Variants in ACOX3 observed in about 807,000 individuals in gnomAD.
ACOX3 encodes acyl-CoA oxidase 3, pristanoyl, also known as peroxisomal acyl-coenzyme A oxidase 3.
Under a neutral mutation model 81.5 loss-of-function variants are expected in ACOX3, and 73 were observed. The ratio of observed to expected loss-of-function variants is 0.90; its 90% CI spans 0.74 to 1.09. The LOEUF (loss-of-function observed/expected upper bound fraction) is 1.09. ACOX3 is among the 50% of genes least tolerant of loss of function. The probability of loss-of-function intolerance (pLI) is 0.00; values close to 1 mark genes in which losing one functional copy is unlikely to be tolerated. For missense variants in ACOX3, 947 were observed against 928.0 expected (o/e 1.02, Z -0.27); for synonymous variants, 387 against 375.1 (o/e 1.03, Z -0.37).
At chr4:8,435,699 A>C in intron 1 of ACOX3, among the ~76,000 whole-genome samples, 1 of 152,238 alleles carries the variant, frequency 6.6e-6, no homozygotes, top group Non-Finnish European at 1.5e-5. Context: ...AGCCCTGTTT[A>C]ACAGCTTATT....
chr4:8,414,648 A>G lies in ACOX3; in HGVS notation c.453+206T>C, dbSNP rs1722129222. On this transcript the variant is annotated intron_variant, in intron 4 of 17. Transcript: ENST00000356406. This position sits in a 1 kb window ranked among gnomAD's most constrained non-coding sequence, Gnocchi z 6.1. ...GAAAAGACAGTGGAAGGCCTCAGTG[A>G]CAATTCACCTGGTGCTAGGAAGTCA... 6.6e-6 allele frequency among the ~76,000 whole-genome samples: 1 copy of G among 152,252 alleles called. No homozygotes were observed. The highest frequency in any genetic ancestry group is 2.4e-5 in the African/African-American group (1 of 41,460).
In ACOX3 at chr4:8,382,592, C is replaced by T. The variant is rs533494566; in HGVS notation, c.1538-985G>A. ...GGCAGCCGGTCTTGCTCAGAGATCC[C>T]AGGCAGGAGAATGGGGATCAGCCAC... On this transcript the variant is annotated intron_variant, in intron 13 of 17. Coordinates refer to ENST00000356406, the MANE Select transcript of ACOX3 (RefSeq NM_003501.3). The surrounding 1 kb of genome is among the most constrained non-coding windows in gnomAD (Gnocchi z 4.1). Among the ~76,000 whole-genome samples, 1 of 152,336 alleles carries T rather than the reference C, an allele frequency of 6.6e-6. No homozygotes were observed. Among genetic ancestry groups the T allele is most frequent in the East Asian group, 1.9e-4 (1 of 5,172 alleles).
At chr4:8,396,679 GA>G (rs531424752) in intron 9 of ACOX3, among the ~76,000 whole-genome samples, 7,598 of 100,712 alleles carry the variant, frequency 0.075, 188 homozygotes, top group Non-Finnish European at 0.087. Context: ...CTCCGTCTGG[GA>G]AAAAAAAAAA....
At chr4:8,439,561 T>A (rs1421121722) in intron 1 of ACOX3, among the ~76,000 whole-genome samples, 1 of 152,206 alleles carries the variant, frequency 6.6e-6, no homozygotes, top group Non-Finnish European at 1.5e-5. Context: ...CTCCTATTAT[T>A]AAGAAATACT....
At chr4:8,397,847 T>A (rs1719896359) in intron 8 of ACOX3, among the ~76,000 whole-genome samples, 1 of 152,240 alleles carries the variant, frequency 6.6e-6, no homozygotes, top group African/African-American at 2.4e-5. Context: ...CACATAGGAA[T>A]CACAGTCTCG....
the ACOX3 span, among the ~76,000 whole-genome samples, chr4:8,360,843 T>C: frequency 1.3e-5 from 2 of 152,108 alleles, no homozygotes; most frequent in East Asian, 3.9e-4. Context: ...ACATGTGGAG[T>C]TAGCCACGCC....
At position 8,384,423 on chromosome 4, in the gene ACOX3, C is replaced by T. The variant is rs999613977; in HGVS notation, c.1538-2816G>A. On this transcript the variant is annotated intron_variant, in intron 13 of 17. Coordinates refer to ENST00000356406, the MANE Select transcript of ACOX3 (RefSeq NM_003501.3). This position sits in a 1 kb window ranked among gnomAD's most constrained non-coding sequence, Gnocchi z 5.3. Reference sequence around the variant, plus strand: ...CGCTGAAACAAACTAGGCAGGAAAACGGGCACTGACGGGCAGTGAATTCTC... The same window carrying T: ...CGCTGAAACAAACTAGGCAGGAAAATGGGCACTGACGGGCAGTGAATTCTC... Among the ~76,000 whole-genome samples, 7 of 152,144 alleles carry T rather than the reference C, an allele frequency of 4.6e-5. No individual in the cohort carries two copies. Among genetic ancestry groups the T allele is most frequent in the Admixed American group, 6.5e-5 (1 of 15,268 alleles).
Position 8,416,877 on chromosome 4 carries a change from C to T in ACOX3, c.-14-342G>A, listed in dbSNP as rs1722403356. On this transcript the variant is annotated intron_variant, in intron 1 of 17. Transcript: ENST00000356406. This position sits in a 1 kb window ranked among gnomAD's most constrained non-coding sequence, Gnocchi z 4.2. ...AGTACCCTGCCCTCTTGGGAGCACCCCGGACATCCAGACTCATCCCCAAGG... is the reference window on the plus strand; with the variant it reads ...AGTACCCTGCCCTCTTGGGAGCACCTCGGACATCCAGACTCATCCCCAAGG... 6.6e-6 allele frequency among the ~76,000 whole-genome samples: 1 copy of T among 152,208 alleles called. No homozygotes were observed. The highest frequency in any genetic ancestry group is 6.5e-5 in the Admixed American group (1 of 15,282).
At chr4:8,401,281 C>T (rs1242056477) in intron 7 of ACOX3, among the ~76,000 whole-genome samples, 1 of 152,118 alleles carries the variant, frequency 6.6e-6, no homozygotes, top group Non-Finnish European at 1.5e-5. Flanking sequence ...GTTGGGGACC[C>T]CTGCCTACAG....
At chr4:8,379,994 G>C (rs991418506) in intron 14 of ACOX3, among the ~76,000 whole-genome samples, 7 of 152,150 alleles carry the variant, frequency 4.6e-5, no homozygotes, top group African/African-American at 1.7e-4. Context: ...GGAGGGAGCA[G>C]TGGAAGCTGA....
chr4:8,355,357 G>C, the ACOX3 span: 1 of 152,218 alleles, frequency 6.6e-6, no homozygotes, highest in Non-Finnish European at 1.5e-5. Context: ...GATATTAAAA[G>C]TATGAGAACC....
Position 8,415,842 on chromosome 4 carries a change from A to G in ACOX3, c.302T>C (p.Leu101Pro), listed in dbSNP as rs1384712794. The change falls in exon 3 of 18, where the codon CTG becomes CCG. Residue 101 changes from leucine to proline, a missense_variant. Leu to Pro is a moderately conservative substitution (Grantham distance 98). Transcript: ENST00000356406. ...GCACTGAATCAAGGCGGGGACCTTC[A>G]GAGGGCTCTTGAACATGTCTTCGAC... Reference protein sequence around the residue: ...LSVEDMFKSPLKVPALIQCLG... With the variant: ...LSVEDMFKSPPKVPALIQCLG... The G allele has an allele frequency of 3.7e-6, 6 of 1,614,096 alleles. No homozygotes were observed. Among genetic ancestry groups the G allele is most frequent in the Non-Finnish European group, 5.1e-6 (6 of 1,180,048 alleles).
In ACOX3 at chr4:8,406,713, C is replaced by T. The variant is rs996594158; in HGVS notation, c.688-670G>A. Among the ~76,000 whole-genome samples the T allele has an allele frequency of 2.0e-5, 3 of 150,754 alleles. No homozygotes were observed. The highest frequency in any genetic ancestry group is 7.3e-5 in the African/African-American group (3 of 40,892). On this transcript the variant is annotated intron_variant, in intron 6 of 17. Transcript: ENST00000356406. The surrounding 1 kb of genome is among the most constrained non-coding windows in gnomAD (Gnocchi z 5.6). ...CTGAGGCAGAGAGAGAGAGAGGAGA[C>T]AGAGAGAAAGACAGCTTACGCCATT...
rs151196972 is a variant in ACOX3, at chr4:8,392,397, C to A, written c.1236G>T (p.Ser412=). The A allele has an allele frequency of 6.2e-7, 1 of 1,609,188 alleles. No homozygotes were observed. Among genetic ancestry groups the A allele is most frequent in the Non-Finnish European group, 8.5e-7 (1 of 1,178,426 alleles). The change falls in exon 11 of 18, where the codon TCG becomes TCT. Residue 412 remains serine (S), a synonymous_variant. Transcript: ENST00000356406. ...CCTGAATTCCTTGCTGGGTGGTCCA[C>A]GAGGCCAGGGGCTTGCTGGCCGATG... The part of the protein sequence containing the change: ...ALASASKPLA[S]WTTQQGIQEC...
intron 1 of ACOX3, among the ~76,000 whole-genome samples, chr4:8,426,442 T>G (rs925096660): frequency 2.0e-5 from 3 of 152,076 alleles, no homozygotes; most frequent in Non-Finnish European, 4.4e-5. Flanking sequence ...CTAGAGGATC[T>G]GCACCTGCTC....
At chr4:8,438,851 A>G (rs1361751591) in intron 1 of ACOX3, 1 of 152,256 alleles carries the variant, frequency 6.6e-6, no homozygotes, top group Non-Finnish European at 1.5e-5. Flanking sequence ...AGCAGGACAC[A>G]GATCTTCCTA....
At chr4:8,397,286 G>A (rs1454792281) in intron 8 of ACOX3, among the ~76,000 whole-genome samples, 167 bp from the exon 9 acceptor site, 6 of 152,214 alleles carry the variant, frequency 3.9e-5, no homozygotes, top group African/African-American at 7.2e-5. Context: ...TGCGGCAGGC[G>A]GGTAGAGATG....
In ACOX3 at chr4:8,414,753, G is replaced by A; in HGVS notation, c.453+101C>T. ...ACACTAGGAAACAAGAAGAGCATAA[G>A]CCCCCTGGGCACCCCCTTCTACAAT... On this transcript the variant is annotated intron_variant, in intron 4 of 17. Transcript: ENST00000356406. The surrounding 1 kb of genome is among the most constrained non-coding windows in gnomAD (Gnocchi z 6.1). 7 of 1,182,130 alleles carry A rather than the reference G, an allele frequency of 5.9e-6. No individual in the cohort carries two copies. Among genetic ancestry groups the A allele is most frequent in the African/African-American group, 3.0e-5 (2 of 65,698 alleles). The allele number at this position is 1,182,130 out of a possible 1,614,324, so 73.2% of individuals were successfully genotyped here. A position where few individuals can be genotyped will look rare whatever the true frequency, so the allele number is the denominator to read the frequency against.
In ACOX3 at chr4:8,414,950, A is replaced by G. The variant is rs1311203074; in HGVS notation, c.379-22T>C. 1 of 1,611,782 alleles carries G rather than the reference A, an allele frequency of 6.2e-7. No individual in the cohort carries two copies. The highest frequency in any genetic ancestry group is 2.2e-5 in the East Asian group (1 of 44,870). ...AAACCTGAAAGTATAACATCGTCCT[A>G]TCAACAGGGGGCAGGTAAGAAGAGT... On this transcript the variant is annotated intron_variant, in intron 3 of 17. Transcript: ENST00000356406. The surrounding 1 kb of genome is among the most constrained non-coding windows in gnomAD (Gnocchi z 6.1).
Sources: gnomAD v4.1 joint callset for allele counts (sites outside exome capture counted in the v4.1 genomes callset) on GRCh38, gnomAD v4.1.1 for gene constraint, Gnocchi (gnomAD v3.1) non-coding constraint, MANE v1.5 for transcripts, NCBI Gene and HGNC (gene_info 2026-07-23, HGNC 2026-07-21) for gene names.